Variants in CERS3 observed in about 807,000 individuals in gnomAD.
CERS3 encodes the protein LAG1 homolog, ceramide synthase 3.
A neutral mutation model predicts 50.3 loss-of-function variants in CERS3; 33 were observed. That is an observed-to-expected ratio of 0.66 (90% CI 0.50 to 0.88). The LOEUF is 0.88. CERS3 is among the 40% of genes least tolerant of loss of function. CERS3 has a pLI of 0.00. For synonymous variants in CERS3, 176 were observed against 155.2 expected (o/e 1.13, Z -0.99); for missense variants, 470 against 460.3 (o/e 1.02, Z -0.19).
intron 5 of CERS3, among the ~76,000 whole-genome samples, chr15:100,483,784 A>ATT (rs1335617514): frequency 0.042 from 3,753 of 89,214 alleles, 177 homozygotes; most frequent in South Asian, 0.14. Context: ...AATTATTATT[A>ATT]TTATTTTTTT....
At chr15:100,449,578 C>G (rs924560331) in intron 11 of CERS3, among the ~76,000 whole-genome samples, 9 of 152,180 alleles carry the variant, frequency 5.9e-5, no homozygotes, top group African/African-American at 1.9e-4. Flanking sequence ...AACCTCACCA[C>G]AGTCTCCAAT....
chr15:100,517,272 G>C (rs1433834749), intron 2 of CERS3, among the ~76,000 whole-genome samples: 2 of 152,188 alleles, frequency 1.3e-5, no homozygotes, highest in Non-Finnish European at 2.9e-5. Context: ...ATATACTGTT[G>C]GCATTGACAC....
intron 3 of CERS3, among the ~76,000 whole-genome samples, chr15:100,493,635 C>T (rs532498757): frequency 7.4e-4 from 113 of 151,922 alleles, no homozygotes; most frequent in Non-Finnish European, 1.5e-3. Flanking sequence ...TATTTATTCT[C>T]TTCTCTCCTT....
chr15:100,467,795 GTA>G (rs1219554387), intron 10 of CERS3, among the ~76,000 whole-genome samples: 5 of 91,668 alleles, frequency 5.5e-5, no homozygotes, highest in African/African-American at 1.7e-4. Context: ...ACATATATAT[GTA>G]TATATATATA....
At chr15:100,515,230 A>G (rs548004437) in intron 2 of CERS3, among the ~76,000 whole-genome samples, 8 of 152,384 alleles carry the variant, frequency 5.2e-5, no homozygotes, top group Non-Finnish European at 8.8e-5. Context: ...ATAAAAACTT[A>G]TCACAGCCAT....
At chr15:100,424,301 G>A (rs2032667193) in intron 11 of CERS3, among the ~76,000 whole-genome samples, 1 of 152,160 alleles carries the variant, frequency 6.6e-6, no homozygotes, top group Non-Finnish European at 1.5e-5. Flanking sequence ...CCAGCAGTGG[G>A]CCCTTGCTAT....
At chr15:100,539,259 T>C (rs1278393817) in intron 1 of CERS3, among the ~76,000 whole-genome samples, 1 of 152,206 alleles carries the variant, frequency 6.6e-6, no homozygotes, top group African/African-American at 2.4e-5. Context: ...TTCTGAGCCC[T>C]CCAAAGTGTT....
chr15:100,416,531 T>A (rs373830256), intron 11 of CERS3, among the ~76,000 whole-genome samples: 7 of 152,226 alleles, frequency 4.6e-5, no homozygotes, highest in African/African-American at 1.7e-4. Context: ...AGAAGTTTAA[T>A]TGACTCATAG....
intron 3 of CERS3, among the ~76,000 whole-genome samples, chr15:100,492,515 C>T (rs1037250345): frequency 1.2e-4 from 19 of 152,154 alleles, no homozygotes; most frequent in African/African-American, 3.9e-4. Context: ...GATATTAGTA[C>T]AGCTACTCCA....
chr15:100,462,449 T>G (rs570512729), intron 10 of CERS3, among the ~76,000 whole-genome samples: 7 of 152,328 alleles, frequency 4.6e-5, no homozygotes, highest in Non-Finnish European at 1.0e-4. Flanking sequence ...GGTATGAGCA[T>G]TAAGCCCTTT....
chr15:100,538,370 C>T (rs2037121895), intron 1 of CERS3, among the ~76,000 whole-genome samples: 2 of 152,208 alleles, frequency 1.3e-5, no homozygotes, highest in South Asian at 4.1e-4. Context: ...TCTGCACTGC[C>T]CTAGCAGAGG....
intron 11 of CERS3, among the ~76,000 whole-genome samples, chr15:100,426,604 C>A (rs1363205944): frequency 1.3e-5 from 2 of 152,146 alleles, no homozygotes; most frequent in Admixed American, 1.3e-4. Flanking sequence ...ACATAGTAGG[C>A]ACTCTGGATA....
intron 1 of CERS3, chr15:100,544,413 CT>C (rs2037296398): frequency 8.3e-6 from 1 of 119,846 alleles, no homozygotes; most frequent in Non-Finnish European, 1.8e-5. Context: ...CACGGGCCCT[CT>C]CTCGGCCTTG....
intron 4 of CERS3, among the ~76,000 whole-genome samples, chr15:100,487,573 A>G (rs761618803): frequency 6.6e-5 from 10 of 152,152 alleles, no homozygotes; most frequent in Non-Finnish European, 1.0e-4. Flanking sequence ...AACATTCAGA[A>G]GTGGGTTGGA....
intron 11 of CERS3, among the ~76,000 whole-genome samples, chr15:100,431,275 G>A (rs949138092): frequency 6.6e-6 from 1 of 152,112 alleles, no homozygotes; most frequent in Non-Finnish European, 1.5e-5. Flanking sequence ...GTCCAGAAAG[G>A]CAACATAAAA....
chr15:100,489,401 A>C (rs1189621965), intron 4 of CERS3, among the ~76,000 whole-genome samples: 1 of 152,104 alleles, frequency 6.6e-6, no homozygotes, highest in African/African-American at 2.4e-5. Flanking sequence ...AGCTATCCTT[A>C]GTTTTCCTTT....
rs1300648690 is a variant in CERS3, at chr15:100,483,778, A to ATTTTTTTTT, written c.407+771_407+772insAAAAAAAAA. Among the ~76,000 whole-genome samples the ATTTTTTTTT allele has an allele frequency of 4.9e-4, 29 of 59,118 alleles. 2 individuals carry two copies. The highest frequency in any genetic ancestry group is 8.9e-4 in the South Asian group (1 of 1,124). 38.8% of individuals were successfully genotyped at this position (59,118 alleles called of 152,430 possible). On this transcript the variant is annotated intron_variant, in intron 5 of 11. Coordinates refer to ENST00000679737, the MANE Select transcript of CERS3 (RefSeq NM_001378789.1). The stretch of plus-strand genomic sequence containing the variant: ...AGAAGGATCAATAATAATAATAATT[A>ATTTTTTTTT]TTATTATTATTTTTTTTTTTGAGAC...
At chr15:100,455,504 T>C (rs2142196056) in intron 11 of CERS3, among the ~76,000 whole-genome samples, 1 of 152,320 alleles carries the variant, frequency 6.6e-6, no homozygotes, top group Admixed American at 6.5e-5. Context: ...CTCAAGATGA[T>C]GGATACCCCA....
chr15:100,429,955 A>G (rs184355734), intron 11 of CERS3, among the ~76,000 whole-genome samples: 72 of 151,810 alleles, frequency 4.7e-4, no homozygotes, highest in Admixed American at 2.3e-3. Flanking sequence ...ATATATTTAT[A>G]TATATATATG....
Sources: gnomAD v4.1 joint callset for allele counts (sites outside exome capture counted in the v4.1 genomes callset) on GRCh38, gnomAD v4.1.1 for gene constraint, MANE v1.5 for transcripts, NCBI Gene and HGNC (gene_info 2026-07-23, HGNC 2026-07-21) for gene names.